PHACTR1: variants seen among roughly 807,000 people sequenced by gnomAD.
PHACTR1 encodes phosphatase and actin regulator 1.
PHACTR1 carries 16 observed loss-of-function variants against 69.2 expected under a neutral mutation model. That is an observed-to-expected ratio of 0.23 (90% confidence interval 0.16 to 0.35). The LOEUF is 0.35. PHACTR1 is among the 10% of genes least tolerant of loss of function. The pLI is 1.00. For synonymous variants in PHACTR1, 312 were observed against 284.5 expected, an observed-to-expected ratio of 1.10 and a Z score of -0.97; for missense variants, 510 against 734.7, an observed-to-expected ratio of 0.69 and a Z score of 3.54.
intron 5 of PHACTR1, among the ~76,000 whole-genome samples, chr6:13,107,186 C>T (rs1036288503): frequency 2.0e-5 from 3 of 152,102 alleles, no homozygotes; most frequent in Non-Finnish European, 4.4e-5. Flanking sequence ...AGTACACTCA[C>T]AGCTCACTGC....
At chr6:12,737,526 T>C (rs187324364) in intron 3 of PHACTR1, among the ~76,000 whole-genome samples, 256 of 152,134 alleles carry the variant, frequency 1.7e-3, no homozygotes, top group Admixed American at 5.1e-3. Flanking sequence ...TATATATATA[T>C]ACATCTGATT....
intron 9 of PHACTR1, among the ~76,000 whole-genome samples, chr6:13,228,603 C>T (rs1309787490): frequency 3.3e-5 from 5 of 152,168 alleles, no homozygotes; most frequent in Admixed American, 6.5e-5. Flanking sequence ...ATTTTAGTTA[C>T]GTGAGTACAG....
chr6:13,239,517 T>TA (rs998715026), intron 10 of PHACTR1, among the ~76,000 whole-genome samples: 69 of 150,418 alleles, frequency 4.6e-4, no homozygotes, highest in Middle Eastern at 3.4e-3. Flanking sequence ...GGGGCTTATT[T>TA]AAAAAAAAAA....
At chr6:13,249,703 G>C (rs1285168169) in intron 10 of PHACTR1, among the ~76,000 whole-genome samples, 4 of 151,114 alleles carry the variant, frequency 2.6e-5, no homozygotes, top group African/African-American at 9.7e-5. Flanking sequence ...GGAGGCTGAG[G>C]CAGGAGAATC....
In PHACTR1 at chr6:13,162,669, G is replaced by A. The variant is rs149478775; in HGVS notation, c.496+2385G>A. Among the ~76,000 whole-genome samples the A allele has an allele frequency of 7.2e-3, 1,099 of 152,170 alleles. 15 individuals are homozygous for A. The highest frequency in any genetic ancestry group is 0.025 in the African/African-American group (1,019 of 41,512). On this transcript the variant is annotated intron_variant, in intron 6 of 14. Coordinates refer to ENST00000332995, the MANE Select transcript of PHACTR1 (RefSeq NM_030948.6). ...ATGTACAGTAGCATTTATTATTTCC[G>A]TTACATCTAATAACTGGGTTAAGAT...
At chr6:13,277,948 A>C (rs1214137069) in intron 11 of PHACTR1, 28 of 138,438 alleles carry the variant, frequency 2.0e-4, no homozygotes, top group Admixed American at 8.0e-4. Context: ...AGACCGTGTC[A>C]AAAAAAAAAA....
intron 4 of PHACTR1, among the ~76,000 whole-genome samples, chr6:12,780,247 CTCTGTGTG>C (rs749051585): frequency 2.7e-4 from 26 of 96,468 alleles, no homozygotes; most frequent in Non-Finnish European, 4.5e-4. Context: ...TATATCTTTT[CTCTGTGTG>C]TGTGTGTGTG....
intron 7 of PHACTR1, 120 bp from the exon 8 acceptor site, chr6:13,205,695 G>C (rs1242645674): frequency 1.1e-6 from 1 of 925,902 alleles, no homozygotes; most frequent in Non-Finnish European, 1.6e-6. Flanking sequence ...TCCAACTGAC[G>C]CATTTTACCT....
intron 5 of PHACTR1, among the ~76,000 whole-genome samples, chr6:13,130,879 C>G (rs1820295782): frequency 6.6e-6 from 1 of 151,930 alleles, no homozygotes; most frequent in South Asian, 2.1e-4. Flanking sequence ...GACCAATATC[C>G]CTGATGAATA....
chr6:12,734,062 C>T (rs1240751067), intron 3 of PHACTR1, among the ~76,000 whole-genome samples: 1 of 152,190 alleles, frequency 6.6e-6, no homozygotes, highest in African/African-American at 2.4e-5. Flanking sequence ...AGCCAGCCCC[C>T]AGCCCCTCTG....
At chr6:13,017,480 G>A (rs540387985) in intron 4 of PHACTR1, among the ~76,000 whole-genome samples, 154 of 152,198 alleles carry the variant, frequency 1.0e-3, no homozygotes, top group African/African-American at 3.6e-3. Context: ...GACTTTAGTG[G>A]GGATAGAGGG....
At chr6:12,924,699 C>T (rs9472980) in intron 4 of PHACTR1, among the ~76,000 whole-genome samples, 1,918 of 150,474 alleles carry the variant, frequency 0.013, 45 homozygotes, top group African/African-American at 0.044. Flanking sequence ...GGCATGAACC[C>T]AGGAGGCAGA....
chr6:12,761,925 T>G (rs1768067317), intron 4 of PHACTR1, among the ~76,000 whole-genome samples: 1 of 152,230 alleles, frequency 6.6e-6, no homozygotes, highest in South Asian at 2.1e-4. Context: ...TTCGCACAGC[T>G]GTGAAGCCAG....
intron 4 of PHACTR1, among the ~76,000 whole-genome samples, chr6:13,029,396 A>G (rs1802141067): frequency 6.6e-6 from 1 of 152,110 alleles, no homozygotes; most frequent in South Asian, 2.1e-4. Flanking sequence ...GGGATGGGGA[A>G]TTGATTGGAA....
intron 4 of PHACTR1, among the ~76,000 whole-genome samples, chr6:12,967,797 A>G (rs1793672805): frequency 6.6e-6 from 1 of 152,236 alleles, no homozygotes; most frequent in Admixed American, 6.5e-5. Context: ...TGCCAAACCC[A>G]AGGGAAATTC....
intron 4 of PHACTR1, among the ~76,000 whole-genome samples, chr6:12,886,217 C>T (rs527835621): frequency 6.6e-6 from 1 of 151,446 alleles, no homozygotes; most frequent in Non-Finnish European, 1.5e-5. Context: ...AAGCAAACCA[C>T]AAGTGCATAT....
chr6:12,770,098 G>A (rs1175766565), intron 4 of PHACTR1, among the ~76,000 whole-genome samples: 8 of 152,190 alleles, frequency 5.3e-5, no homozygotes, highest in South Asian at 4.1e-4. Flanking sequence ...TGAAGACTTC[G>A]GGTCCTCTTG....
At chr6:13,008,322 A>G (rs1392136240) in intron 4 of PHACTR1, among the ~76,000 whole-genome samples, 2 of 152,228 alleles carry the variant, frequency 1.3e-5, no homozygotes, top group Non-Finnish European at 2.9e-5. Context: ...CTAGACGTGC[A>G]AGAGTCAGAA....
intron 4 of PHACTR1, among the ~76,000 whole-genome samples, chr6:12,877,044 C>T (rs1235504032): frequency 1.3e-5 from 2 of 152,200 alleles, no homozygotes; most frequent in African/African-American, 4.8e-5. Context: ...GGATGATACT[C>T]TTCCACGCTG....
Sources: allele counts gnomAD v4.1 joint callset (sites outside exome capture counted in the v4.1 genomes callset), GRCh38; gene constraint gnomAD v4.1.1; transcripts MANE v1.5; gene names NCBI Gene and HGNC (gene_info 2026-07-23, HGNC 2026-07-21).